Variants in IL12RB2 observed in about 807,000 individuals in gnomAD.
IL12RB2 encodes the protein interleukin 12 receptor subunit beta 2.
In IL12RB2, 82 loss-of-function variants were observed where a neutral mutation model predicts 89.4. The ratio of observed to expected loss-of-function variants is 0.92; its 90% CI spans 0.77 to 1.10. The LOEUF is 1.10. Ranked by LOEUF, IL12RB2 falls within the 50% of genes least tolerant of loss-of-function variation. The pLI is 0.00. For synonymous variants in IL12RB2, 368 were observed against 370.1 expected (o/e 0.99, Z 0.07); for missense variants, 963 against 1,031.9 (o/e 0.93, Z 0.92).
chr1:67,351,020 G>A lies in IL12RB2; in HGVS notation c.1189G>A (p.Val397Met), dbSNP rs373428243. 6 of 1,613,914 alleles carry A rather than the reference G, an allele frequency of 3.7e-6. No homozygotes were observed. Among genetic ancestry groups the A allele is most frequent in the Non-Finnish European group, 5.1e-6 (6 of 1,180,012 alleles). The part of the protein sequence containing the change: ...IPRTGNWAVA[V>M]SAANSKGSSL... Reference sequence around the variant, plus strand: ...TAGAACCGGAAATTGGGCTGTGGCTGTGTCTGCAGCAAATTCAAAAGGCAG... The same window carrying A: ...TAGAACCGGAAATTGGGCTGTGGCTATGTCTGCAGCAAATTCAAAAGGCAG... The change falls in exon 10 of 17, where the codon GTG becomes ATG. Residue 397 changes from valine to methionine, a missense_variant. By Grantham distance (21) the Val-to-Met change is conservative (BLOSUM62 1). Coordinates refer to ENST00000674203, the MANE Select transcript of IL12RB2 (RefSeq NM_001374259.2).
intron 10 of IL12RB2, among the ~76,000 whole-genome samples, chr1:67,364,289 G>A (rs1409433283): frequency 6.6e-6 from 1 of 152,214 alleles, no homozygotes; most frequent in African/African-American, 2.4e-5. Flanking sequence ...TACTTGGGAG[G>A]ATGAGGCAGG....
At chr1:67,324,867 A>G (rs989476429) in intron 4 of IL12RB2, among the ~76,000 whole-genome samples, 1 of 152,242 alleles carries the variant, frequency 6.6e-6, no homozygotes, top group African/African-American at 2.4e-5. Flanking sequence ...CTGGATGTAG[A>G]AAATGAAGAA....
At chr1:67,363,775 A>C (rs1223924749) in intron 10 of IL12RB2, among the ~76,000 whole-genome samples, 1 of 152,212 alleles carries the variant, frequency 6.6e-6, no homozygotes, top group Non-Finnish European at 1.5e-5. Flanking sequence ...GTAAATGTAT[A>C]TTGCAAATAG....
At chr1:67,320,312 G>A in intron 2 of IL12RB2, 21 bp from the exon 3 acceptor site, 2 of 1,613,240 alleles carry the variant, frequency 1.2e-6, no homozygotes, top group Non-Finnish European at 1.7e-6. Flanking sequence ...TAACATGAAT[G>A]AATTTGTCTT....
chr1:67,338,687 T>C lies in IL12RB2; in HGVS notation c.1022T>C (p.Ile341Thr), dbSNP rs1659163194. Residue 341 changes from isoleucine (I) to threonine (T), a missense_variant, in exon 9 of 17, where the codon ATT (isoleucine) becomes ACT (threonine). Ile to Thr is a moderately conservative substitution (Grantham distance 89). Coordinates refer to ENST00000674203, the MANE Select transcript of IL12RB2 (RefSeq NM_001374259.2). The stretch of plus-strand genomic sequence containing the variant: ...CACATTGACTACAGTAGACAACAGA[T>C]TTCTCTTTTCTGGAAGGTGAGTTTT... ...KRHIDYSRQQ[I>T]SLFWKNLSVS... 6.6e-7 allele frequency: 1 copy of C among 1,517,910 alleles called. No individual in the cohort carries two copies. The highest frequency in any genetic ancestry group is 1.1e-5 in the South Asian group (1 of 89,190). The allele number at this position is 1,517,910 out of a possible 1,614,324, so 94.0% of individuals were successfully genotyped here.
chr1:67,317,951 A>G (rs1655993086), intron 2 of IL12RB2, among the ~76,000 whole-genome samples: 1 of 152,210 alleles, frequency 6.6e-6, no homozygotes, highest in Non-Finnish European at 1.5e-5. Flanking sequence ...TAAGGTGATG[A>G]GTAAAAAATC....
intron 11 of IL12RB2, among the ~76,000 whole-genome samples, chr1:67,371,599 AGGT>A (rs1663313049): frequency 6.6e-6 from 1 of 152,068 alleles, no homozygotes; most frequent in African/African-American, 2.4e-5. Flanking sequence ...ATTTCAGGAG[AGGT>A]ATCTATGAAA....
intron 10 of IL12RB2, among the ~76,000 whole-genome samples, chr1:67,358,877 C>T (rs894378358): frequency 2.0e-5 from 3 of 152,094 alleles, no homozygotes; most frequent in Non-Finnish European, 4.4e-5. Context: ...TGCAGTGGCT[C>T]ATGCCTATAA....
Position 67,368,039 on chromosome 1 carries a change from C to T in IL12RB2, c.1459+14C>T, listed in dbSNP as rs1662902200. The T allele has an allele frequency of 6.6e-6, 10 of 1,514,632 alleles. No individual in the cohort carries two copies. Among genetic ancestry groups the T allele is most frequent in the African/African-American group, 1.4e-5 (1 of 73,066 alleles). The allele number at this position is 1,514,632 out of a possible 1,614,324, so 93.8% of individuals were successfully genotyped here. On this transcript the variant is annotated intron_variant, in intron 11 of 16. Transcript: ENST00000674203. ...CTCTGATTTCAGGTACCTAATTGTTCACCTTCCTTCTAGAGGGTTACTAAG... is the reference window on the plus strand; with the variant it reads ...CTCTGATTTCAGGTACCTAATTGTTTACCTTCCTTCTAGAGGGTTACTAAG...
At chr1:67,381,765 C>CAAAA (rs61066016) in intron 14 of IL12RB2, among the ~76,000 whole-genome samples, 8 of 123,584 alleles carry the variant, frequency 6.5e-5, no homozygotes, top group East Asian at 2.4e-4. Context: ...GACTATGTTT[C>CAAAA]AAAAAAAAAA....
intron 2 of IL12RB2, among the ~76,000 whole-genome samples, chr1:67,319,235 C>A (rs781480750): frequency 1.2e-4 from 18 of 152,152 alleles, no homozygotes; most frequent in Non-Finnish European, 7.4e-5. Flanking sequence ...GGCCTGACAT[C>A]ACAGAACTTC....
intron 2 of IL12RB2, 67 bp from the exon 3 acceptor site, chr1:67,320,266 T>C: frequency 1.2e-6 from 2 of 1,604,076 alleles, no homozygotes; most frequent in Non-Finnish European, 1.7e-6. Context: ...GAAGCTCTTC[T>C]GAGCTATTTT....
chr1:67,316,421 A>AGTGTGTGTGTGTGT (rs71062410), intron 2 of IL12RB2, among the ~76,000 whole-genome samples: 1,828 of 146,202 alleles, frequency 0.013, 15 homozygotes, highest in Admixed American at 0.021. Context: ...TCCCCAGAGT[A>AGTGTGTGTGTGTGT]GTGTGTGTGT....
chr1:67,371,047 C>T (rs151006332), intron 11 of IL12RB2, among the ~76,000 whole-genome samples: 73 of 152,304 alleles, frequency 4.8e-4, no homozygotes, highest in African/African-American at 1.7e-3. Context: ...GCCCCTTTCA[C>T]GACTAGGGGC....
chr1:67,344,098 G>GC (rs1553315184), intron 9 of IL12RB2, among the ~76,000 whole-genome samples: 1 of 152,072 alleles, frequency 6.6e-6, no homozygotes, highest in Non-Finnish European at 1.5e-5. Flanking sequence ...GGTTGAGCTC[G>GC]CCTAGTGGAG....
intron 11 of IL12RB2, among the ~76,000 whole-genome samples, chr1:67,371,711 A>G (rs1179981766): frequency 1.3e-5 from 2 of 152,210 alleles, no homozygotes; most frequent in Non-Finnish European, 2.9e-5. Flanking sequence ...TGACTGACAG[A>G]AAATTGAAAG....
intron 13 of IL12RB2, among the ~76,000 whole-genome samples, chr1:67,376,137 C>T (rs1663964370): frequency 6.6e-6 from 1 of 151,792 alleles, no homozygotes; most frequent in African/African-American, 2.4e-5. Flanking sequence ...TGAGCCACCG[C>T]GCCTGGCTGG....
chr1:67,326,593 T>C, intron 4 of IL12RB2, 142 bp from the exon 5 acceptor site: 1 of 1,378,270 alleles, frequency 7.3e-7, no homozygotes, highest in Non-Finnish European at 9.8e-7. Flanking sequence ...AAACTGGGAC[T>C]TGAATGGAAT....
At chr1:67,346,979 G>A (rs1306300392) in intron 9 of IL12RB2, among the ~76,000 whole-genome samples, 1 of 152,102 alleles carries the variant, frequency 6.6e-6, no homozygotes, top group African/African-American at 2.4e-5. Flanking sequence ...GTCTTAACAT[G>A]TGCCAAGCAC....
Sources: gnomAD v4.1 joint callset for allele counts (sites outside exome capture counted in the v4.1 genomes callset) on GRCh38, gnomAD v4.1.1 for gene constraint, MANE v1.5 for transcripts, NCBI Gene and HGNC (gene_info 2026-07-23, HGNC 2026-07-21) for gene names.